Variants in QKI observed in about 807,000 individuals in gnomAD.
QKI encodes KH domain-containing RNA-binding protein QKI.
Under a neutral mutation model 39.0 loss-of-function variants are expected in QKI, and 10 were observed. The observed-to-expected ratio is 0.26, with a 90% CI of 0.16 to 0.43. The LOEUF (loss-of-function observed/expected upper bound fraction) is 0.43, where lower values mean the gene tolerates loss of function less well. QKI is among the 20% of genes least tolerant of loss of function. The probability of loss-of-function intolerance (pLI) is 1.00; values close to 1 mark genes in which losing one functional copy is unlikely to be tolerated. For synonymous variants in QKI, 204 were observed against 155.4 expected (o/e 1.31, Z -2.33); for missense variants, 218 against 428.0 (o/e 0.51, Z 4.33).
intron 3 of QKI, among the ~76,000 whole-genome samples, chr6:163,509,063 C>T (rs937598526): frequency 2.2e-4 from 33 of 152,054 alleles, no homozygotes; most frequent in Non-Finnish European, 2.9e-4. Context: ...CACTTGAATC[C>T]GGGAGGCGGA....
Sources: gnomAD v4.1 joint callset for allele counts (sites outside exome capture counted in the v4.1 genomes callset) on GRCh38, gnomAD v4.1.1 for gene constraint, MANE v1.5 for transcripts, NCBI Gene and HGNC (gene_info 2026-07-23, HGNC 2026-07-21) for gene names.